Variants in COPG1 observed in about 807,000 individuals in gnomAD.
COPG1 encodes the protein coatomer subunit gamma-1.
In COPG1, 29 loss-of-function variants were observed where a neutral mutation model predicts 102.8. That is an observed-to-expected ratio of 0.28 (90% confidence interval 0.21 to 0.38). COPG1 has a LOEUF of 0.38. Ranked by LOEUF, COPG1 falls within the 10% of genes least tolerant of loss-of-function variation. The pLI, the probability that COPG1 is intolerant of heterozygous loss-of-function variation, is 1.00. For synonymous variants in COPG1, 406 were observed against 421.6 expected (o/e 0.96, Z 0.45); for missense variants, 875 against 1,132.7 (o/e 0.77, Z 3.27).
chr3:129,255,563 A>T (rs1282856851), intron 7 of COPG1, among the ~76,000 whole-genome samples: 3 of 151,198 alleles, frequency 2.0e-5, no homozygotes, highest in Non-Finnish European at 2.9e-5. Context: ...GCTCACTGCA[A>T]CCTCTGCCTC....
chr3:129,253,228 T>G, intron 5 of COPG1: 1 of 381,422 alleles, frequency 2.6e-6, no homozygotes, highest in Non-Finnish European at 4.8e-6. Flanking sequence ...CTTTCTTGAG[T>G]ATAAAGAGAG....
intron 12 of COPG1, among the ~76,000 whole-genome samples, chr3:129,261,340 G>A (rs1312600606): frequency 6.6e-6 from 1 of 152,172 alleles, no homozygotes; most frequent in African/African-American, 2.4e-5. Flanking sequence ...CTGAATCAGT[G>A]CAAAGAACCA....
At position 129,277,393 on chromosome 3, in the gene COPG1, C is replaced by T. The variant is rs1940297917; in HGVS notation, c.2594C>T (p.Pro865Leu). The T allele has an allele frequency of 1.2e-6, 2 of 1,613,924 alleles. No individual in the cohort carries two copies. Among genetic ancestry groups the T allele is most frequent in the Non-Finnish European group, 1.7e-6 (2 of 1,179,952 alleles). Residue 865 changes from proline (P) to leucine (L), a missense_variant, in exon 24 of 24, where the codon CCA becomes CTA. Physicochemically the swap from Pro to Leu is moderately conservative, Grantham distance 98. Coordinates refer to ENST00000314797, the MANE Select transcript of COPG1 (RefSeq NM_016128.4). ...QVTARSLEEL[P>L]VDIILASVG Reference sequence around the variant, plus strand: ...ACAGCCAGAAGTTTGGAGGAGCTGCCAGTAGACATCATCTTGGCATCTGTG... The same window carrying T: ...ACAGCCAGAAGTTTGGAGGAGCTGCTAGTAGACATCATCTTGGCATCTGTG...
chr3:129,268,924 T>C lies in COPG1; in HGVS notation c.1775-8T>C. On this transcript the variant is annotated splice_polypyrimidine_tract_variant and splice_region_variant and intron_variant, in intron 17 of 23. Coordinates refer to ENST00000314797, the MANE Select transcript of COPG1 (RefSeq NM_016128.4). ...GTTGGTCATCACGTGTATAATTTGC[T>C]CCTGCAGAAAGTACCCCCATCACAG... The C allele has an allele frequency of 6.2e-7, 1 of 1,613,884 alleles. No homozygotes were observed. The highest frequency in any genetic ancestry group is 8.5e-7 in the Non-Finnish European group (1 of 1,179,804).
At chr3:129,254,037 G>A (rs548339393) in intron 5 of COPG1, among the ~76,000 whole-genome samples, 1 of 150,736 alleles carries the variant, frequency 6.6e-6, no homozygotes, top group East Asian at 2.0e-4. Flanking sequence ...GATGGCTCAT[G>A]CCTGTAATCC....
At chr3:129,255,636 C>T (rs928968675) in intron 7 of COPG1, among the ~76,000 whole-genome samples, 1 of 151,924 alleles carries the variant, frequency 6.6e-6, no homozygotes, top group Non-Finnish European at 1.5e-5. Context: ...GTGTGCACCA[C>T]CACGCCCAAC....
In COPG1 at chr3:129,264,067, C is replaced by T. The variant is rs142095670; in HGVS notation, c.1224+68C>T. ...CAGGGAGTGACCTGACCACTGGCTC[C>T]ATGCTCAGCTTTGTGCGTGTGCTTA... On this transcript the variant is annotated intron_variant, in intron 13 of 23. Coordinates refer to ENST00000314797, the MANE Select transcript of COPG1 (RefSeq NM_016128.4). 2.4e-3 allele frequency: 3,098 copies of T among 1,304,212 alleles called. 12 individuals are homozygous for T. Among genetic ancestry groups the T allele is most frequent in the Non-Finnish European group, 2.9e-3 (2,628 of 902,574 alleles). The allele number at this position is 1,304,212 out of a possible 1,614,324, so 80.8% of individuals were successfully genotyped here.
At chr3:129,252,013 G>A (rs572143093) in intron 2 of COPG1, among the ~76,000 whole-genome samples, 1 of 152,308 alleles carries the variant, frequency 6.6e-6, no homozygotes, top group African/African-American at 2.4e-5. Flanking sequence ...GTCGTTCATT[G>A]TTTCTGTTTC....
intron 3 of COPG1, 38 bp downstream of exon 3, chr3:129,252,399 T>C (rs1477891715): frequency 6.9e-7 from 1 of 1,444,264 alleles, no homozygotes; most frequent in Non-Finnish European, 9.7e-7. Flanking sequence ...AGAATGGTGC[T>C]GGGGGATTGG....
intron 7 of COPG1, among the ~76,000 whole-genome samples, 170 bp downstream of exon 7, chr3:129,255,247 C>T (rs1339694910): frequency 2.0e-5 from 3 of 151,720 alleles, no homozygotes; most frequent in Non-Finnish European, 4.4e-5. Context: ...GCCACGATCT[C>T]GGCTCACTGC....
intron 10 of COPG1, among the ~76,000 whole-genome samples, chr3:129,258,841 G>T (rs932472682): frequency 6.6e-6 from 1 of 152,194 alleles, no homozygotes. Flanking sequence ...TGCTCTGGGT[G>T]TGGGAATACC....
At position 129,256,158 on chromosome 3, in the gene COPG1, A is replaced by T; in HGVS notation, c.579+4A>T. On this transcript the variant is annotated splice_donor_region_variant and intron_variant, in intron 8 of 23. Transcript: ENST00000314797. ...CAGTGATAACATCATGGTCCAGGTG[A>T]GATGTGAGCAAGGGAGTGATATTTA... The T allele has an allele frequency of 6.2e-7, 1 of 1,612,812 alleles. No homozygotes were observed. The highest frequency in any genetic ancestry group is 2.2e-5 in the East Asian group (1 of 44,854).
intron 14 of COPG1, among the ~76,000 whole-genome samples, chr3:129,266,631 A>G (rs1318797920): frequency 6.6e-6 from 1 of 152,154 alleles, no homozygotes; most frequent in African/African-American, 2.4e-5. Context: ...AATGATCTTT[A>G]AGTAATTGTT....
In COPG1 at chr3:129,272,907, A is replaced by G. The variant is rs1449219664; in HGVS notation, c.2256+3A>G. On this transcript the variant is annotated splice_donor_region_variant and intron_variant, in intron 21 of 23. Transcript: ENST00000314797. ...AAGGCTATGAGGATGAGTATGTGGT[A>G]AGATCCTGGTGTCAGGAAGCTCAGT... 5 of 1,574,574 alleles carry G rather than the reference A, an allele frequency of 3.2e-6. No individual in the cohort carries two copies. The African/African-American group carries it at 6.7e-5, about 21-fold the overall frequency.
intron 3 of COPG1, 114 bp from the exon 4 acceptor site, chr3:129,252,509 C>T: frequency 9.5e-7 from 1 of 1,052,160 alleles, no homozygotes; most frequent in Admixed American, 1.9e-5. Context: ...ATCCAAGTCT[C>T]ATATGTTGCC....
At chr3:129,259,845 A>G (rs535025792) in intron 10 of COPG1, among the ~76,000 whole-genome samples, 2 of 152,212 alleles carry the variant, frequency 1.3e-5, no homozygotes, top group Non-Finnish European at 2.9e-5. Flanking sequence ...CCAAGGGGGA[A>G]GTTCTGTTGG....
At position 129,250,883 on chromosome 3, in the gene COPG1, T is replaced by A. The variant is rs928489542; in HGVS notation, c.90+149T>A. 5 of 687,152 alleles carry A rather than the reference T, an allele frequency of 7.3e-6. No homozygotes were observed. In the Admixed American group the frequency reaches 1.1e-4, roughly 15 times the overall value. The allele number at this position is 687,152 out of a possible 1,614,324, so 42.6% of individuals were successfully genotyped here. A position where few individuals can be genotyped will look rare whatever the true frequency, so the allele number is the denominator to read the frequency against. ...TTTTCTGGAAGACAGGAAAACTTTG[T>A]TTCTGGAGAGAGTTAGTTATGCTTA... is the stretch of plus-strand genomic sequence containing the variant. On this transcript the variant is annotated intron_variant, in intron 2 of 23. Coordinates refer to ENST00000314797, the MANE Select transcript of COPG1 (RefSeq NM_016128.4).
intron 7 of COPG1, 37 bp downstream of exon 7, chr3:129,255,114 G>A: frequency 2.2e-6 from 3 of 1,394,656 alleles, no homozygotes; most frequent in Admixed American, 1.9e-5. Context: ...TGGGGGTGGG[G>A]TAGAAAATTG....
chr3:129,267,802 C>G (rs965952715), intron 15 of COPG1, 135 bp from the exon 16 acceptor site: 2 of 655,758 alleles, frequency 3.0e-6, no homozygotes, highest in Non-Finnish European at 2.8e-6. Context: ...TCTCCTCACT[C>G]CCTCCACCCT....
Sources: allele counts gnomAD v4.1 joint callset (sites outside exome capture counted in the v4.1 genomes callset), GRCh38; gene constraint gnomAD v4.1.1; transcripts MANE v1.5; gene names NCBI Gene and HGNC (gene_info 2026-07-23, HGNC 2026-07-21).